The following LSAMP variants were observed in gnomAD, a reference collection of about 807,000 sequenced individuals.
The protein encoded by LSAMP is limbic system-associated membrane protein.
Under a neutral mutation model 38.6 loss-of-function variants are expected in LSAMP, and 7 were observed. The observed-to-expected ratio is 0.18, with a 90% CI of 0.10 to 0.34. The LOEUF (loss-of-function observed/expected upper bound fraction) is 0.34, where lower values mean the gene tolerates loss of function less well. Ranked by LOEUF, LSAMP falls within the 10% of genes least tolerant of loss-of-function variation. The probability of loss-of-function intolerance (pLI) is 1.00; values close to 1 mark genes in which losing one functional copy is unlikely to be tolerated. For missense variants in LSAMP, 313 were observed against 420.0 expected, an observed-to-expected ratio of 0.75 and a Z score of 2.23; for synonymous variants, 154 against 166.8, an observed-to-expected ratio of 0.92 and a Z score of 0.59.
chr3:115,863,094 G>C (rs1935755322), intron 3 of LSAMP, among the ~76,000 whole-genome samples: 1 of 152,142 alleles, frequency 6.6e-6, no homozygotes, highest in Non-Finnish European at 1.5e-5. Context: ...GTGCAAGTGA[G>C]GGTCACTAAA....
At position 115,963,542 on chromosome 3, in the gene LSAMP, T is replaced by A. The variant is rs1012366211; in HGVS notation, c.514+55973A>T. Among the ~76,000 whole-genome samples, 8 of 152,174 alleles carry A rather than the reference T, an allele frequency of 5.3e-5. No homozygotes were observed. The South Asian group carries it at 1.4e-3, about 28-fold the overall frequency. ...CCATGTGCTTGAATGAGGGGATAGATCATGCTAAGACAAAACTCTGACCAT... is the reference window on the plus strand; with the variant it reads ...CCATGTGCTTGAATGAGGGGATAGAACATGCTAAGACAAAACTCTGACCAT... On this transcript the variant is annotated intron_variant, in intron 3 of 6. Transcript: ENST00000490035.
At chr3:116,091,089 G>A (rs576009167) in intron 1 of LSAMP, among the ~76,000 whole-genome samples, 35 of 152,210 alleles carry the variant, frequency 2.3e-4, no homozygotes, top group Middle Eastern at 3.4e-3. Flanking sequence ...AGACAGGTAC[G>A]CCCCTGGGGG....
At chr3:116,018,660 T>C (rs1940551591) in intron 3 of LSAMP, among the ~76,000 whole-genome samples, 1 of 152,186 alleles carries the variant, frequency 6.6e-6, no homozygotes, top group Non-Finnish European at 1.5e-5. Flanking sequence ...GACATGGTTT[T>C]GCATACCAGA....
intron 1 of LSAMP, among the ~76,000 whole-genome samples, chr3:116,387,330 A>C (rs981097260): frequency 1.3e-5 from 2 of 152,154 alleles, no homozygotes; most frequent in African/African-American, 4.8e-5. Context: ...CAGCATTATA[A>C]ATAAGGAATC....
At chr3:116,018,753 C>G (rs1940553286) in intron 3 of LSAMP, among the ~76,000 whole-genome samples, 1 of 151,994 alleles carries the variant, frequency 6.6e-6, no homozygotes, top group Admixed American at 6.6e-5. Flanking sequence ...GTTCAAAAAG[C>G]AGGAGGCCTG....
intron 2 of LSAMP, among the ~76,000 whole-genome samples, chr3:116,050,811 CTG>C (rs2107732918): frequency 1.3e-5 from 2 of 152,262 alleles, no homozygotes; most frequent in South Asian, 2.1e-4. Flanking sequence ...CTATGAAATT[CTG>C]TCTTTTTTCC....
chr3:116,067,614 G>A (rs1707491872), intron 2 of LSAMP, among the ~76,000 whole-genome samples: 1 of 152,202 alleles, frequency 6.6e-6, no homozygotes, highest in Non-Finnish European at 1.5e-5. Context: ...CATCAATCAT[G>A]GGCCATTTGG....
intron 1 of LSAMP, among the ~76,000 whole-genome samples, chr3:116,334,807 CTT>C (rs1559831950): frequency 6.6e-6 from 1 of 152,060 alleles, no homozygotes; most frequent in African/African-American, 2.4e-5. Context: ...AGACTGAAAG[CTT>C]TTCCTGTGTA....
intron 1 of LSAMP, 72 bp downstream of exon 1, chr3:116,444,805 C>CAA: frequency 7.1e-7 from 1 of 1,401,510 alleles, no homozygotes; most frequent in African/African-American, 2.1e-5. Flanking sequence ...CACACACACA[C>CAA]ACACAAACAC....
chr3:116,116,140 C>T (rs534245320), intron 1 of LSAMP, among the ~76,000 whole-genome samples: 16 of 137,076 alleles, frequency 1.2e-4, no homozygotes, highest in Middle Eastern at 4.1e-3. Context: ...GGCTCCATTT[C>T]GTGAGACATT....
chr3:116,067,535 C>T (rs1248698590), intron 2 of LSAMP, among the ~76,000 whole-genome samples: 2 of 152,216 alleles, frequency 1.3e-5, no homozygotes, highest in Non-Finnish European at 2.9e-5. Context: ...CCAGCTGTCA[C>T]AAGCAGCAAA....
intron 3 of LSAMP, among the ~76,000 whole-genome samples, chr3:115,917,647 T>C (rs1343697931): frequency 6.6e-6 from 1 of 152,166 alleles, no homozygotes. Flanking sequence ...TGACCTTTTT[T>C]TTTTTTCAAG....
intron 3 of LSAMP, among the ~76,000 whole-genome samples, chr3:115,900,994 C>G (rs967382348): frequency 6.6e-6 from 1 of 152,134 alleles, no homozygotes. Context: ...AGTTTCATTT[C>G]CTCCACCAAC....
At chr3:116,276,618 C>CAATT (rs1350371836) in intron 1 of LSAMP, among the ~76,000 whole-genome samples, 4 of 145,238 alleles carry the variant, frequency 2.8e-5, no homozygotes, top group African/African-American at 1.0e-4. Flanking sequence ...CACACATCAC[C>CAATT]AATTAAGTAC....
intron 1 of LSAMP, among the ~76,000 whole-genome samples, chr3:116,110,284 G>C (rs1708573512): frequency 6.6e-6 from 1 of 152,066 alleles, no homozygotes; most frequent in Non-Finnish European, 1.5e-5. Context: ...AGCAGAGAAG[G>C]GGTAGAGACA....
chr3:115,853,430 T>C (rs1457014708), intron 3 of LSAMP, among the ~76,000 whole-genome samples: 1 of 152,174 alleles, frequency 6.6e-6, no homozygotes, highest in Non-Finnish European at 1.5e-5. Context: ...AAGTTGGGAT[T>C]AGGTATAGGG....
chr3:116,069,917 T>A (rs1707559664), intron 2 of LSAMP, among the ~76,000 whole-genome samples: 1 of 152,064 alleles, frequency 6.6e-6, no homozygotes, highest in Admixed American at 6.6e-5. Context: ...CCATTAAAGA[T>A]GAAGTCATCA....
intron 3 of LSAMP, among the ~76,000 whole-genome samples, chr3:115,898,887 T>C (rs1176609599): frequency 6.6e-6 from 1 of 152,100 alleles, no homozygotes; most frequent in Non-Finnish European, 1.5e-5. Context: ...TAAATTCTCT[T>C]TGGGTGCTAT....
intron 3 of LSAMP, among the ~76,000 whole-genome samples, chr3:115,880,126 G>A (rs1159122895): frequency 2.0e-5 from 3 of 152,118 alleles, no homozygotes; most frequent in Non-Finnish European, 4.4e-5. Flanking sequence ...TAGCAGAGTG[G>A]ATATCAGTGA....
Sources: allele counts gnomAD v4.1 joint callset (sites outside exome capture counted in the v4.1 genomes callset), GRCh38; gene constraint gnomAD v4.1.1; transcripts MANE v1.5; gene names NCBI Gene and HGNC (gene_info 2026-07-23, HGNC 2026-07-21).